The following TLN2 variants were observed in gnomAD, a reference collection of about 807,000 sequenced individuals.
The protein encoded by TLN2 is talin-2.
In TLN2, 118 loss-of-function variants were observed where a neutral mutation model predicts 294.7. The observed-to-expected ratio is 0.40, with a 90% CI of 0.34 to 0.47. The LOEUF (loss-of-function observed/expected upper bound fraction) is 0.47. Ranked by LOEUF, TLN2 falls within the 20% of genes least tolerant of loss-of-function variation. TLN2 has a pLI of 0.84. For missense variants in TLN2, 3,083 were observed against 3,282.2 expected, an observed-to-expected ratio of 0.94 and a Z score of 1.48; for synonymous variants, 1,431 against 1,304.5, an observed-to-expected ratio of 1.10 and a Z score of -2.09.
chr15:62,692,614 G>A (rs967360548), intron 12 of TLN2, among the ~76,000 whole-genome samples: 1 of 152,132 alleles, frequency 6.6e-6, no homozygotes, highest in Admixed American at 6.5e-5. Context: ...CCACATTGTG[G>A]TTTTGCAAGT....
At chr15:62,706,198 G>A (rs1162062820) in intron 19 of TLN2, among the ~76,000 whole-genome samples, 1 of 132,504 alleles carries the variant, frequency 7.5e-6, no homozygotes, top group Non-Finnish European at 1.6e-5. Flanking sequence ...ATATGTTTGG[G>A]AAGGCATTTC....
intron 1 of TLN2, among the ~76,000 whole-genome samples, chr15:62,496,451 G>A (rs975897346): frequency 3.9e-5 from 6 of 152,110 alleles, no homozygotes; most frequent in Non-Finnish European, 7.4e-5. Flanking sequence ...GACTAGGATG[G>A]GTGTCAGGAC....
At chr15:62,822,992 C>T (rs972709343) in intron 54 of TLN2, among the ~76,000 whole-genome samples, 2 of 152,158 alleles carry the variant, frequency 1.3e-5, no homozygotes, top group Admixed American at 1.3e-4. Flanking sequence ...TGTGAGGACT[C>T]CCTACAGTAC....
rs1323443709 is a variant in TLN2 at position 62,835,902 on chromosome 15, G to A, written c.7203G>A (p.Val2401=). 1 of 1,614,052 alleles carries A rather than the reference G, an allele frequency of 6.2e-7. No homozygotes were observed. Among genetic ancestry groups the A allele is most frequent in the African/African-American group, 1.3e-5 (1 of 74,930 alleles). ...TTGACTGTCCCCAGGCCCGGATGGT[G>A]GCGGCTGCGACCAGCAGTCTCTGTG... ...SQGLISAARM[V]AAATSSLCEA... is the part of the protein sequence containing the mutation. Residue 2401 remains valine (V), a synonymous_variant, in exon 57 of 59, where the codon GTG becomes GTA. Transcript: ENST00000636159.
chr15:62,683,214 C>A (rs2056985273), intron 11 of TLN2, among the ~76,000 whole-genome samples: 1 of 152,220 alleles, frequency 6.6e-6, no homozygotes, highest in African/African-American at 2.4e-5. Flanking sequence ...AAGCTCAGTC[C>A]AGTTGCATTC....
At chr15:62,525,917 C>G (rs2040711764) in intron 1 of TLN2, among the ~76,000 whole-genome samples, 1 of 152,164 alleles carries the variant, frequency 6.6e-6, no homozygotes, top group Admixed American at 6.5e-5. Flanking sequence ...GGATCTATAA[C>G]TCTGCCACCA....
intron 1 of TLN2, among the ~76,000 whole-genome samples, chr15:62,416,238 G>T (rs774130734): frequency 1.3e-5 from 2 of 152,224 alleles, no homozygotes; most frequent in Admixed American, 1.3e-4. Context: ...GGTCAAGGCT[G>T]CATTGAGCTG....
In TLN2 at chr15:62,426,252, G is replaced by A. The variant is rs567089274; in HGVS notation, c.-238+35567G>A. On this transcript the variant is annotated intron_variant, in intron 1 of 58. Transcript: ENST00000636159. Reference sequence around the variant, plus strand: ...TGCCTGTATCAAGGCTGAAAGTAGGGTAGGTACAGCCTGTAAAGGTTTATC... The same window carrying A: ...TGCCTGTATCAAGGCTGAAAGTAGGATAGGTACAGCCTGTAAAGGTTTATC... Among the ~76,000 whole-genome samples, 4 of 152,310 alleles carry A rather than the reference G, an allele frequency of 2.6e-5. No homozygotes were observed. In the East Asian group the frequency reaches 7.7e-4, roughly 29 times the overall value.
intron 1 of TLN2, among the ~76,000 whole-genome samples, chr15:62,449,163 A>G (rs1346622972): frequency 6.6e-6 from 1 of 152,206 alleles, no homozygotes; most frequent in Non-Finnish European, 1.5e-5. Context: ...TAACTCGTCA[A>G]CAGAAGCCCT....
intron 54 of TLN2, chr15:62,824,177 G>A: frequency 3.0e-6 from 1 of 328,112 alleles, no homozygotes. Flanking sequence ...TTTGAGACCT[G>A]TATCAGTATT....
intron 7 of TLN2, among the ~76,000 whole-genome samples, chr15:62,654,679 C>T (rs190104719): frequency 1.4e-4 from 19 of 139,308 alleles, no homozygotes; most frequent in South Asian, 9.0e-4. Flanking sequence ...CGCTTGAACC[C>T]GGGAGGTGGA....
At chr15:62,617,760 A>G (rs761915968) in intron 2 of TLN2, among the ~76,000 whole-genome samples, 2 of 152,200 alleles carry the variant, frequency 1.3e-5, no homozygotes, top group Non-Finnish European at 2.9e-5. Context: ...AATCAAATGC[A>G]TAGAGGAGAA....
At chr15:62,787,741 G>A (rs999389937) in intron 45 of TLN2, among the ~76,000 whole-genome samples, 6 of 143,888 alleles carry the variant, frequency 4.2e-5, no homozygotes, top group African/African-American at 1.6e-4. Flanking sequence ...CGCCCAGGCT[G>A]GAGTACAATG....
At chr15:62,515,197 T>C (rs183967635) in intron 1 of TLN2, among the ~76,000 whole-genome samples, 80 of 152,366 alleles carry the variant, frequency 5.3e-4, no homozygotes, top group African/African-American at 1.9e-3. Context: ...ACTCCCAATA[T>C]AATTTTAATC....
intron 12 of TLN2, chr15:62,690,287 C>G (rs1222285416): frequency 6.2e-6 from 1 of 162,494 alleles, no homozygotes; most frequent in African/African-American, 2.7e-5. Flanking sequence ...CTCCTCACTT[C>G]TCAGACGGGG....
intron 1 of TLN2, among the ~76,000 whole-genome samples, chr15:62,498,872 A>T (rs1411308216): frequency 6.6e-6 from 1 of 152,230 alleles, no homozygotes; most frequent in East Asian, 1.9e-4. Context: ...AAAGGAATTT[A>T]CCCACTCTAA....
intron 32 of TLN2, among the ~76,000 whole-genome samples, chr15:62,744,664 A>C (rs2061517459): frequency 6.6e-6 from 1 of 152,108 alleles, no homozygotes. Flanking sequence ...CTCCTGGCTC[A>C]GCCTCCCGAG....
At chr15:62,523,517 GT>G (rs2040574505) in intron 1 of TLN2, among the ~76,000 whole-genome samples, 1 of 152,216 alleles carries the variant, frequency 6.6e-6, no homozygotes, top group Non-Finnish European at 1.5e-5. Context: ...TGCTAACTAT[GT>G]TATATGTGCT....
rs150803623 is a variant in TLN2, at chr15:62,472,694, T to C, written c.-238+82009T>C. Among the ~76,000 whole-genome samples, 1,014 of 152,298 alleles carry C rather than the reference T, an allele frequency of 6.7e-3. 6 individuals are homozygous for C. The highest frequency in any genetic ancestry group is 0.011 in the Non-Finnish European group (733 of 68,032). On this transcript the variant is annotated intron_variant, in intron 1 of 58. Transcript: ENST00000636159. ...GATTAGGAAAGGAGTGTGCCTTCCT[T>C]ATTTGGTCAAAATAGTAGTGGTGAG... is the stretch of plus-strand genomic sequence containing the variant.
Sources: gnomAD v4.1 joint callset for allele counts (sites outside exome capture counted in the v4.1 genomes callset) on GRCh38, gnomAD v4.1.1 for gene constraint, MANE v1.5 for transcripts, NCBI Gene and HGNC (gene_info 2026-07-23, HGNC 2026-07-21) for gene names.